The following SIK3 variants were observed in gnomAD, a reference collection of about 807,000 sequenced individuals.
SIK3 encodes the protein SIK family kinase 3.
SIK3 carries 28 observed loss-of-function variants against 144.2 expected under a neutral mutation model. That is an observed-to-expected ratio of 0.19 (90% confidence interval 0.14 to 0.27). The LOEUF is 0.27. Ranked by LOEUF, SIK3 falls within the 10% of genes least tolerant of loss-of-function variation. SIK3 has a pLI of 1.00. For synonymous variants in SIK3, 686 were observed against 676.3 expected, an observed-to-expected ratio of 1.01 and a Z score of -0.22; for missense variants, 1,319 against 1,776.0, an observed-to-expected ratio of 0.74 and a Z score of 4.62.
chr11:117,074,488 T>C (rs1160703536), intron 1 of SIK3, among the ~76,000 whole-genome samples: 5 of 152,340 alleles, frequency 3.3e-5, no homozygotes, highest in African/African-American at 1.2e-4. Context: ...AAGGCTCAAA[T>C]AGACATTTAT....
intron 1 of SIK3, among the ~76,000 whole-genome samples, chr11:117,084,693 T>C (rs1417120521): frequency 6.6e-6 from 1 of 152,140 alleles, no homozygotes; most frequent in Non-Finnish European, 1.5e-5. Flanking sequence ...GATGAAAAAT[T>C]AAGGAGATAC....
At chr11:117,005,336 G>GAAAAAAAAA (rs35279676) in intron 1 of SIK3, among the ~76,000 whole-genome samples, 111 of 55,558 alleles carry the variant, frequency 2.0e-3, no homozygotes, top group East Asian at 3.6e-3. Context: ...CCCCGTCTCA[G>GAAAAAAAAA]AAAAAAAAAA....
chr11:116,883,144 G>C (rs1000239977), intron 6 of SIK3, among the ~76,000 whole-genome samples: 6 of 152,184 alleles, frequency 3.9e-5, no homozygotes, highest in African/African-American at 1.4e-4. Flanking sequence ...TGGATGGCCT[G>C]CAACAGCAAT....
At position 116,876,340 on chromosome 11, in the gene SIK3, T is replaced by C; in HGVS notation, c.1008A>G (p.Leu336=). ...GGGGGTCCACCTGTCTTTCTTCCTT[T>C]AGTTGTTGGCATTCAGCTATTAACT... is the stretch of plus-strand genomic sequence containing the variant. ...FDRLIAECQQ[L]KEERQVDPLN... The change falls in exon 8 of 25, where the codon CTA becomes CTG. Residue 336 remains leucine, a synonymous_variant. Transcript: ENST00000445177. The C allele has an allele frequency of 6.2e-7, 1 of 1,614,218 alleles. No homozygotes were observed.
At chr11:116,992,762 A>AT (rs1950540502) in intron 1 of SIK3, among the ~76,000 whole-genome samples, 1 of 152,002 alleles carries the variant, frequency 6.6e-6, no homozygotes, top group African/African-American at 2.4e-5. Flanking sequence ...AGGCAGGAGG[A>AT]CTCTTGAGCC....
At chr11:116,960,815 C>T (rs953464771) in intron 1 of SIK3, among the ~76,000 whole-genome samples, 8 of 152,256 alleles carry the variant, frequency 5.3e-5, no homozygotes, top group African/African-American at 7.2e-5. Context: ...ATGTTAATTA[C>T]AGGTAGTGCT....
intron 1 of SIK3, among the ~76,000 whole-genome samples, chr11:117,004,821 A>G (rs1950981955): frequency 6.6e-6 from 1 of 152,212 alleles, no homozygotes; most frequent in Non-Finnish European, 1.5e-5. Context: ...CTGCTGGGCA[A>G]TAAGAAAGGA....
intron 1 of SIK3, among the ~76,000 whole-genome samples, chr11:116,968,781 G>A (rs937722636): frequency 3.9e-5 from 6 of 152,168 alleles, no homozygotes; most frequent in Admixed American, 2.6e-4. Context: ...TCGTAACTGT[G>A]TATCAATTCA....
At chr11:117,079,337 A>C (rs1954685073) in intron 1 of SIK3, among the ~76,000 whole-genome samples, 2 of 152,256 alleles carry the variant, frequency 1.3e-5, no homozygotes, top group African/African-American at 4.8e-5. Flanking sequence ...TTGCTTTTTA[A>C]ATCAAGAAGG....
intron 3 of SIK3, among the ~76,000 whole-genome samples, chr11:116,933,981 G>T (rs1234271933): frequency 6.6e-6 from 1 of 152,132 alleles, no homozygotes; most frequent in African/African-American, 2.4e-5. Context: ...TACTTGGAAT[G>T]CTCCTCCCCA....
At chr11:117,083,710 C>A (rs1380545031) in intron 1 of SIK3, among the ~76,000 whole-genome samples, 1 of 152,194 alleles carries the variant, frequency 6.6e-6, no homozygotes, top group Admixed American at 6.5e-5. Flanking sequence ...AGGTGTCCAA[C>A]TCATCCTAAT....
At chr11:116,854,953 G>A (rs1942759555) in intron 21 of SIK3, among the ~76,000 whole-genome samples, 1 of 151,814 alleles carries the variant, frequency 6.6e-6, no homozygotes, top group Non-Finnish European at 1.5e-5. Context: ...GGGTGCGGTA[G>A]TGCACACCTG....
intron 3 of SIK3, among the ~76,000 whole-genome samples, chr11:116,943,880 A>G (rs10892048): frequency 0.45 from 68,001 of 151,496 alleles, 18,980 homozygotes; most frequent in Non-Finnish European, 0.64. Flanking sequence ...CATTTATATA[A>G]TTTCAGATTT....
At chr11:116,907,314 T>C (rs1280279152) in intron 4 of SIK3, among the ~76,000 whole-genome samples, 1 of 152,246 alleles carries the variant, frequency 6.6e-6, no homozygotes, top group East Asian at 1.9e-4. Context: ...TATGTGTTTA[T>C]ATTTAAGTTC....
At chr11:116,861,416 C>G (rs1402278411) in intron 18 of SIK3, 33 bp from the exon 19 acceptor site, 1 of 1,466,102 alleles carries the variant, frequency 6.8e-7, no homozygotes, top group African/African-American at 1.4e-5. Flanking sequence ...CACAAAGAAG[C>G]TTCCTAAGGT....
At chr11:116,855,001 G>A (rs1348126747) in intron 21 of SIK3, among the ~76,000 whole-genome samples, 6 of 146,236 alleles carry the variant, frequency 4.1e-5, no homozygotes, top group African/African-American at 5.3e-5. Flanking sequence ...CAGGAGAATC[G>A]CTTGAACCCA....
intron 1 of SIK3, among the ~76,000 whole-genome samples, chr11:117,001,185 ATTTCTAG>A (rs1427442515): frequency 2.0e-5 from 3 of 152,178 alleles, no homozygotes; most frequent in Non-Finnish European, 4.4e-5. Context: ...GTCTTGACTA[ATTTCTAG>A]GTCATCTTTC....
Position 116,844,608 on chromosome 11 carries a change from TTATA to T in SIK3, c.*1031_*1034del, listed in dbSNP as rs1197108753. The T allele has an allele frequency of 1.3e-4, 7 of 55,864 alleles. No homozygotes were observed. The highest frequency in any genetic ancestry group is 1.9e-4 in the Admixed American group (1 of 5,270). The allele number at this position is 55,864 out of a possible 1,614,324, so 3.5% of individuals were successfully genotyped here. The stretch of plus-strand genomic sequence containing the variant: ...TATATATATATATTTTATATATATA[TTATA>T]TATATAATATATATATAATATATTA... On this transcript the variant is annotated 3_prime_UTR_variant, in exon 25 of 25. Transcript: ENST00000445177.
In SIK3 at chr11:116,874,044, C is replaced by T. The variant is rs773476690; in HGVS notation, c.1440G>A (p.Met480Ile). ...VGVADPRTEVMEDLQKLLPGF... is the reference protein window; with the variant it reads ...VGVADPRTEVIEDLQKLLPGF... ...CAGGTAGGAGCTTCTGCAGATCTTCCATAACTTCCGTGCTGATACAAAACA... is the reference window on the plus strand; with the variant it reads ...CAGGTAGGAGCTTCTGCAGATCTTCTATAACTTCCGTGCTGATACAAAACA... The change falls in exon 12 of 25, where the codon ATG becomes ATA. Residue 480 changes from methionine to isoleucine, a missense_variant. This residue lies in a region of SIK3 where 167 missense variants were observed against 263.3 expected (regional missense o/e 0.63). Transcript: ENST00000445177. 6 of 1,613,690 alleles carry T rather than the reference C, an allele frequency of 3.7e-6. No individual in the cohort carries two copies. The highest frequency in any genetic ancestry group is 1.3e-5 in the African/African-American group (1 of 74,894).
Sources: gnomAD v4.1 joint callset for allele counts (sites outside exome capture counted in the v4.1 genomes callset) on GRCh38, gnomAD v4.1.1 for gene constraint, gnomAD v4.1.1 regional missense constraint, MANE v1.5 for transcripts, NCBI Gene and HGNC (gene_info 2026-07-23, HGNC 2026-07-21) for gene names.